SUGCT: variants seen among roughly 807,000 people sequenced by gnomAD.
SUGCT encodes the protein succinyl-CoA:glutarate-CoA transferase.
In SUGCT, 41 loss-of-function variants were observed where a neutral mutation model predicts 55.0. The ratio of observed to expected loss-of-function variants is 0.74; its 90% CI spans 0.58 to 0.97. SUGCT has a LOEUF of 0.97. SUGCT is among the 50% of genes least tolerant of loss of function. SUGCT has a pLI of 0.00. For missense variants in SUGCT, 568 were observed against 547.8 expected, an observed-to-expected ratio of 1.04 and a Z score of -0.37; for synonymous variants, 187 against 200.4, an observed-to-expected ratio of 0.93 and a Z score of 0.56.
intron 11 of SUGCT, among the ~76,000 whole-genome samples, chr7:40,489,447 G>A (rs963901127): frequency 9.2e-5 from 14 of 152,128 alleles, no homozygotes; most frequent in Admixed American, 4.6e-4. Flanking sequence ...TTGGGAGGCC[G>A]AGGCAGGAGG....
the SUGCT span, among the ~76,000 whole-genome samples, chr7:40,975,669 T>G: frequency 3.3e-5 from 5 of 152,172 alleles, no homozygotes; most frequent in Non-Finnish European, 5.9e-5. Context: ...TGCCTTTGCC[T>G]TTTTATTTTG....
At chr7:40,550,355 CT>C (rs1174893550) in intron 12 of SUGCT, among the ~76,000 whole-genome samples, 2 of 152,198 alleles carry the variant, frequency 1.3e-5, no homozygotes, top group African/African-American at 4.8e-5. Context: ...AGTATTCCTG[CT>C]AGCTAACAAT....
At chr7:40,779,951 G>A (rs986333227) in intron 13 of SUGCT, among the ~76,000 whole-genome samples, 1 of 152,150 alleles carries the variant, frequency 6.6e-6, no homozygotes, top group African/African-American at 2.4e-5. Flanking sequence ...GGCTCTGTAA[G>A]GTACAGTGCT....
intron 8 of SUGCT, among the ~76,000 whole-genome samples, chr7:40,315,873 A>G (rs1248033616): frequency 6.6e-6 from 1 of 152,108 alleles, no homozygotes; most frequent in Non-Finnish European, 1.5e-5. Flanking sequence ...CCTCCTTTCC[A>G]TAGTTCTGTG....
intron 10 of SUGCT, among the ~76,000 whole-genome samples, chr7:40,452,175 T>C (rs546405085): frequency 6.6e-6 from 1 of 152,332 alleles, no homozygotes; most frequent in South Asian, 2.1e-4. Context: ...AAGTCTGAGG[T>C]TCCAGAAAAT....
intron 8 of SUGCT, among the ~76,000 whole-genome samples, chr7:40,279,967 T>G (rs1029756445): frequency 6.6e-6 from 1 of 152,176 alleles, no homozygotes. Flanking sequence ...AAAAAACACA[T>G]TTTCCTACTC....
intron 11 of SUGCT, among the ~76,000 whole-genome samples, chr7:40,494,399 A>G (rs544014986): frequency 2.1e-4 from 32 of 152,310 alleles, no homozygotes; most frequent in African/African-American, 6.7e-4. Flanking sequence ...TGGCCAGGAG[A>G]TGACTGGAAC....
At chr7:40,402,682 A>G (rs1786143048) in intron 9 of SUGCT, among the ~76,000 whole-genome samples, 2 of 152,054 alleles carry the variant, frequency 1.3e-5, no homozygotes, top group South Asian at 4.1e-4. Flanking sequence ...CCATGTATGT[A>G]TTTTAATAAG....
At chr7:40,993,952 G>A in the SUGCT span, among the ~76,000 whole-genome samples, 7 of 152,322 alleles carry the variant, frequency 4.6e-5, no homozygotes, top group South Asian at 1.5e-3. Context: ...GTAAAGGATT[G>A]TAGGGACAAG....
At chr7:40,300,215 C>A (rs945868697) in intron 8 of SUGCT, among the ~76,000 whole-genome samples, 6 of 152,082 alleles carry the variant, frequency 3.9e-5, no homozygotes, top group Non-Finnish European at 8.8e-5. Flanking sequence ...GTCATACAGA[C>A]AAGGCTGTGA....
At chr7:40,393,117 G>A (rs1030055632) in intron 9 of SUGCT, among the ~76,000 whole-genome samples, 1 of 152,166 alleles carries the variant, frequency 6.6e-6, no homozygotes, top group Non-Finnish European at 1.5e-5. Context: ...ATCATCTGTG[G>A]TAGGTGCTAT....
chr7:40,675,214 C>T (rs901940123), intron 12 of SUGCT, among the ~76,000 whole-genome samples: 19 of 151,962 alleles, frequency 1.3e-4, no homozygotes, highest in Non-Finnish European at 2.5e-4. Context: ...GCACGTGCCA[C>T]TATGCCCAGC....
intron 12 of SUGCT, among the ~76,000 whole-genome samples, chr7:40,498,826 AG>A (rs1292851697): frequency 1.3e-5 from 2 of 152,196 alleles, no homozygotes; most frequent in African/African-American, 4.8e-5. Flanking sequence ...TAGTGGATAG[AG>A]GAAAATCCAG....
intron 7 of SUGCT, among the ~76,000 whole-genome samples, chr7:40,271,076 TCTAAGAGTTTTTTAGTGGATTC>T (rs1791969951): frequency 6.6e-6 from 1 of 152,198 alleles, no homozygotes; most frequent in South Asian, 2.1e-4. Context: ...GATTACTAGT[TCTAAGAGTTTTTTAGTGGATTC>T]CTTAGGACTT....
At chr7:40,568,366 T>A (rs189324911) in intron 12 of SUGCT, among the ~76,000 whole-genome samples, 1 of 151,692 alleles carries the variant, frequency 6.6e-6, no homozygotes, top group East Asian at 1.9e-4. Context: ...AAGAACAGGG[T>A]CAAAAACAGA....
At chr7:40,852,433 T>A (rs1197743375) in intron 13 of SUGCT, among the ~76,000 whole-genome samples, 1 of 152,102 alleles carries the variant, frequency 6.6e-6, no homozygotes, top group Non-Finnish European at 1.5e-5. Context: ...AAGTATTCCT[T>A]ATTGTAAGTC....
At chr7:40,636,461 A>G (rs549202940) in intron 12 of SUGCT, among the ~76,000 whole-genome samples, 17 of 152,274 alleles carry the variant, frequency 1.1e-4, no homozygotes, top group Non-Finnish European at 2.2e-4. Flanking sequence ...ATTCATTAGG[A>G]ATGTGTCACT....
At chr7:40,960,054 T>C in the SUGCT span, among the ~76,000 whole-genome samples, 2 of 152,050 alleles carry the variant, frequency 1.3e-5, no homozygotes, top group African/African-American at 2.4e-5. Flanking sequence ...CAGTTGGAAA[T>C]GCAGAAGTCA....
At chr7:40,742,122 CTATA>C (rs1001597837) in intron 12 of SUGCT, among the ~76,000 whole-genome samples, 7 of 151,980 alleles carry the variant, frequency 4.6e-5, no homozygotes, top group East Asian at 1.9e-4. Flanking sequence ...TGTATACACA[CTATA>C]TATATGCACA....
Sources: gnomAD v4.1 joint callset for allele counts (sites outside exome capture counted in the v4.1 genomes callset) on GRCh38, gnomAD v4.1.1 for gene constraint, MANE v1.5 for transcripts, NCBI Gene and HGNC (gene_info 2026-07-23, HGNC 2026-07-21) for gene names.